The following INPP5F variants were observed in gnomAD, a reference collection of about 807,000 sequenced individuals.
INPP5F encodes the protein phosphatidylinositide 4-phosphatase SAC2.
In INPP5F, 97 loss-of-function variants were observed where a neutral mutation model predicts 137.2. The ratio of observed to expected loss-of-function variants is 0.71; its 90% confidence interval spans 0.60 to 0.84. The LOEUF (loss-of-function observed/expected upper bound fraction) is 0.84, where lower values mean the gene tolerates loss of function less well. INPP5F is among the 40% of genes least tolerant of loss of function. The probability of loss-of-function intolerance (pLI) is 0.00; values close to 1 mark genes in which losing one functional copy is unlikely to be tolerated. For missense variants in INPP5F, 1,271 were observed against 1,371.9 expected (o/e 0.93, Z 1.16); for synonymous variants, 504 against 476.9 (o/e 1.06, Z -0.74).
intron 2 of INPP5F, among the ~76,000 whole-genome samples, chr10:119,752,350 C>T (rs180795360): frequency 2.6e-5 from 4 of 152,078 alleles, no homozygotes; most frequent in East Asian, 1.9e-4. Flanking sequence ...TTTGGGAGGC[C>T]GAGGCAGGTG....
intron 1 of INPP5F, among the ~76,000 whole-genome samples, chr10:119,731,635 G>A (rs1309482521): frequency 6.6e-6 from 1 of 152,194 alleles, no homozygotes; most frequent in African/African-American, 2.4e-5. Context: ...CTGTACTCCA[G>A]CCTGGGCAAC....
Position 119,826,947 on chromosome 10 carries a change from G to A in INPP5F, c.2566G>A (p.Asp856Asn), listed in dbSNP as rs765656632. Residue 856 changes from aspartate (D) to asparagine (N), a missense_variant, in exon 20 of 20, where the codon GAC becomes AAC. By Grantham distance (23) the Asp-to-Asn change is conservative (BLOSUM62 1). Around this residue, in one of 6 missense-constraint regions of INPP5F, gnomAD observed 490 missense variants for 443.7 expected, o/e 1.10. Transcript: ENST00000650623. ...TGATGGGGACATGTCTTCAGATAAT[G>A]ACTCATACCACTCTGATGAATTCCT... ...ESDGDMSSDN[D>N]SYHSDEFLTN... is the part of the protein sequence containing the mutation. 6.2e-7 allele frequency: 1 copy of A among 1,613,956 alleles called. No homozygotes were observed. The highest frequency in any genetic ancestry group is 1.7e-5 in the Admixed American group (1 of 60,014).
At chr10:119,784,761 G>A (rs918291909) in intron 3 of INPP5F, among the ~76,000 whole-genome samples, 2 of 152,160 alleles carry the variant, frequency 1.3e-5, no homozygotes, top group Admixed American at 6.5e-5. Context: ...GGTTTTTAGT[G>A]TATTCAGAGT....
At chr10:119,750,578 G>T (rs1417622203) in intron 1 of INPP5F, among the ~76,000 whole-genome samples, 1 of 152,182 alleles carries the variant, frequency 6.6e-6, no homozygotes, top group African/African-American at 2.4e-5. Flanking sequence ...AACGGAAACA[G>T]TTCCTATTGT....
At chr10:119,795,577 G>A (rs1487669210) in intron 6 of INPP5F, among the ~76,000 whole-genome samples, 1 of 150,146 alleles carries the variant, frequency 6.7e-6, no homozygotes, top group Non-Finnish European at 1.5e-5. Flanking sequence ...GGGCAGAGAC[G>A]CTCCTCACTT....
chr10:119,728,187 C>T (rs148829719), intron 1 of INPP5F, among the ~76,000 whole-genome samples: 64 of 152,270 alleles, frequency 4.2e-4, no homozygotes, highest in Non-Finnish European at 6.6e-4. Context: ...TAGAATATAG[C>T]GGGCCACAGA....
chr10:119,747,813 T>A (rs973212575), intron 1 of INPP5F, among the ~76,000 whole-genome samples: 1 of 152,208 alleles, frequency 6.6e-6, no homozygotes, highest in Non-Finnish European at 1.5e-5. Context: ...AGTGGAAAAT[T>A]GTGTCACCAT....
chr10:119,819,316 G>A (rs1851447137), intron 15 of INPP5F: 3 of 476,844 alleles, frequency 6.3e-6, no homozygotes, highest in Non-Finnish European at 6.1e-6. Context: ...TGGGGGTGGG[G>A]GGAGGGTTGA....
chr10:119,817,897 T>C lies in INPP5F; in HGVS notation c.1887-2949T>C, dbSNP rs77205539. ...AAAATTAATGACACCCTTTAAAATC[T>C]GTACCAGAGACCAGTACCTCACTCA... is the stretch of plus-strand genomic sequence containing the variant. On this transcript the variant is annotated intron_variant, in intron 15 of 19. Transcript: ENST00000650623. Among the ~76,000 whole-genome samples, 600 of 152,378 alleles carry C rather than the reference T, an allele frequency of 3.9e-3. 5 individuals are homozygous for C. The highest frequency in any genetic ancestry group is 0.014 in the African/African-American group (570 of 41,590).
At chr10:119,752,795 A>G (rs1848725335) in intron 2 of INPP5F, among the ~76,000 whole-genome samples, 1 of 152,028 alleles carries the variant, frequency 6.6e-6, no homozygotes, top group South Asian at 2.1e-4. Context: ...TATAAATGAT[A>G]TTAAGTTGTT....
chr10:119,797,948 C>T (rs1214379070), intron 8 of INPP5F, among the ~76,000 whole-genome samples: 2 of 151,972 alleles, frequency 1.3e-5, no homozygotes, highest in Non-Finnish European at 2.9e-5. Flanking sequence ...CGAATCTAGC[C>T]AATATTTGTA....
At chr10:119,786,582 G>GC (rs1849924163) in intron 3 of INPP5F, among the ~76,000 whole-genome samples, 1 of 152,128 alleles carries the variant, frequency 6.6e-6, no homozygotes, top group African/African-American at 2.4e-5. Flanking sequence ...ACAGGGTCTT[G>GC]CTCTGTCACA....
chr10:119,786,344 G>A (rs1849914526), intron 3 of INPP5F, among the ~76,000 whole-genome samples: 1 of 152,178 alleles, frequency 6.6e-6, no homozygotes, highest in African/African-American at 2.4e-5. Context: ...CCTGTTGCCA[G>A]TGCTATGCAT....
chr10:119,802,916 T>C (rs1049011106), intron 9 of INPP5F, among the ~76,000 whole-genome samples: 3 of 152,178 alleles, frequency 2.0e-5, no homozygotes, highest in African/African-American at 7.2e-5. Flanking sequence ...TGAAAACTCA[T>C]TTTCTGTTTT....
At chr10:119,792,479 A>T (rs1454095807) in intron 6 of INPP5F, among the ~76,000 whole-genome samples, 1 of 152,076 alleles carries the variant, frequency 6.6e-6, no homozygotes, top group African/African-American at 2.4e-5. Context: ...AAGGCTGTGG[A>T]ACTCATGTTC....
chr10:119,778,731 GTTCT>G (rs1020085839), intron 2 of INPP5F, among the ~76,000 whole-genome samples: 1 of 152,116 alleles, frequency 6.6e-6, no homozygotes, highest in African/African-American at 2.4e-5. Context: ...AGTGCATACG[GTTCT>G]TTTTGTCTTT....
chr10:119,784,110 C>T (rs1849796684), intron 3 of INPP5F, among the ~76,000 whole-genome samples: 1 of 152,208 alleles, frequency 6.6e-6, no homozygotes, highest in African/African-American at 2.4e-5. Flanking sequence ...ACTTTATTAT[C>T]TTTTAACATG....
At chr10:119,810,053 C>T (rs968067536) in intron 13 of INPP5F, 47 bp from the exon 14 acceptor site, 5 of 1,020,270 alleles carry the variant, frequency 4.9e-6, no homozygotes, top group East Asian at 4.8e-5. Flanking sequence ...ATTTTGGGGG[C>T]ATTCTTGTGT....
chr10:119,815,012 C>T (rs1271456538), intron 15 of INPP5F, among the ~76,000 whole-genome samples: 1 of 152,072 alleles, frequency 6.6e-6, no homozygotes, highest in African/African-American at 2.4e-5. Context: ...ACTATAGGCA[C>T]CTGACACCAC....
Sources: gnomAD v4.1 joint callset for allele counts (sites outside exome capture counted in the v4.1 genomes callset) on GRCh38, gnomAD v4.1.1 for gene constraint, gnomAD v4.1.1 regional missense constraint, MANE v1.5 for transcripts, NCBI Gene and HGNC (gene_info 2026-07-23, HGNC 2026-07-21) for gene names.